Variants in NRXN1 observed in about 807,000 individuals in gnomAD.
NRXN1 encodes the protein neurexin 1.
A neutral mutation model predicts 150.9 loss-of-function variants in NRXN1; 39 were observed. The ratio of observed to expected loss-of-function variants is 0.26; its 90% CI spans 0.20 to 0.34. The LOEUF (loss-of-function observed/expected upper bound fraction) is 0.34, where lower values mean the gene tolerates loss of function less well. Ranked by LOEUF, NRXN1 falls within the 10% of genes least tolerant of loss-of-function variation. NRXN1 has a pLI of 1.00. For synonymous variants in NRXN1, 924 were observed against 757.0 expected, an observed-to-expected ratio of 1.22 and a Z score of -3.62; for missense variants, 1,815 against 1,949.9, an observed-to-expected ratio of 0.93 and a Z score of 1.30.
At chr2:50,888,793 T>C (rs897420180) in intron 5 of NRXN1, among the ~76,000 whole-genome samples, 2 of 151,682 alleles carry the variant, frequency 1.3e-5, no homozygotes, top group African/African-American at 2.4e-5. Context: ...TTAACTCTTG[T>C]TTGATTTTCA....
chr2:50,122,258 G>C (rs1703963265), intron 18 of NRXN1, among the ~76,000 whole-genome samples: 1 of 152,220 alleles, frequency 6.6e-6, no homozygotes, highest in African/African-American at 2.4e-5. Flanking sequence ...TCTGTTACCA[G>C]AGGTGATAAG....
intron 5 of NRXN1, among the ~76,000 whole-genome samples, chr2:50,798,689 C>T (rs899739040): frequency 2.6e-5 from 4 of 152,142 alleles, no homozygotes; most frequent in Non-Finnish European, 5.9e-5. Flanking sequence ...GAAATGGGTA[C>T]AGAAATATCA....
chr2:50,156,655 T>A (rs568649028), intron 18 of NRXN1, among the ~76,000 whole-genome samples: 1 of 151,966 alleles, frequency 6.6e-6, no homozygotes, highest in East Asian at 1.9e-4. Context: ...AATAAACCAA[T>A]ACAATGTAAA....
rs192107750 is a variant in NRXN1, at chr2:50,867,273, T to C, written c.832+54596A>G. ...CTGAGTCCTAGATGCTCATGGCCCC[T>C]GATTAAGACCTGTGGTTGGGAATTC... On this transcript the variant is annotated intron_variant, in intron 5 of 22. Transcript: ENST00000401669. Among the ~76,000 whole-genome samples the C allele has an allele frequency of 1.1e-4, 17 of 152,016 alleles. No individual in the cohort carries two copies. In the East Asian group the frequency reaches 3.3e-3, roughly 30 times the overall value.
chr2:50,551,011 G>GCAGGAA (rs1667391699), intron 9 of NRXN1, among the ~76,000 whole-genome samples: 2 of 119,128 alleles, frequency 1.7e-5, no homozygotes, highest in Non-Finnish European at 1.8e-5. Context: ...AAGAAGAGGA[G>GCAGGAA]GAGGAAGAGG....
chr2:50,447,803 T>C (rs1191369389), intron 17 of NRXN1, among the ~76,000 whole-genome samples: 1 of 127,150 alleles, frequency 7.9e-6, no homozygotes, highest in Non-Finnish European at 1.6e-5. Flanking sequence ...ATGTACTATC[T>C]ATCCTGCTTA....
At chr2:50,745,926 G>A (rs1232221886) in intron 5 of NRXN1, among the ~76,000 whole-genome samples, 1 of 152,036 alleles carries the variant, frequency 6.6e-6, no homozygotes, top group African/African-American at 2.4e-5. Flanking sequence ...AACCATATCA[G>A]GTGGAAATTT....
intron 2 of NRXN1, among the ~76,000 whole-genome samples, chr2:50,976,799 A>G (rs1695917429): frequency 6.6e-6 from 1 of 151,982 alleles, no homozygotes; most frequent in African/African-American, 2.4e-5. Flanking sequence ...TACCAAAAAA[A>G]TCATCGATTA....
intron 2 of NRXN1, among the ~76,000 whole-genome samples, chr2:50,956,234 G>T (rs992366355): frequency 6.6e-5 from 10 of 152,004 alleles, no homozygotes; most frequent in Non-Finnish European, 1.5e-4. Context: ...ATAAGTTATT[G>T]CTGTTAACCT....
intron 8 of NRXN1, among the ~76,000 whole-genome samples, chr2:50,569,507 G>C (rs532255616): frequency 6.6e-6 from 1 of 151,902 alleles, no homozygotes; most frequent in Non-Finnish European, 1.5e-5. Flanking sequence ...GTCAAAATTT[G>C]TTATATATAT....
chr2:50,008,855 A>G (rs1429841301), intron 21 of NRXN1, among the ~76,000 whole-genome samples: 1 of 152,114 alleles, frequency 6.6e-6, no homozygotes, highest in Non-Finnish European at 1.5e-5. Flanking sequence ...CTTACTCTAC[A>G]TTATAGTAGC....
intron 5 of NRXN1, among the ~76,000 whole-genome samples, chr2:50,753,696 T>G (rs191615132): frequency 1.3e-5 from 2 of 151,552 alleles, no homozygotes; most frequent in Non-Finnish European, 2.9e-5. Context: ...CCAGAAAAGG[T>G]TTAAGTAGGA....
chr2:50,538,193 G>C, intron 10 of NRXN1, 60 bp downstream of exon 10: 1 of 1,554,118 alleles, frequency 6.4e-7, no homozygotes, highest in Non-Finnish European at 8.7e-7. Flanking sequence ...CAGGTTTGAG[G>C]TCAACATTTA....
chr2:50,332,624 G>C (rs746087113), intron 17 of NRXN1, among the ~76,000 whole-genome samples: 1 of 152,136 alleles, frequency 6.6e-6, no homozygotes, highest in Non-Finnish European at 1.5e-5. Flanking sequence ...AAATTTGTTT[G>C]TCATTCTTGT....
Position 50,515,857 on chromosome 2 carries a change from T to C in NRXN1, c.2375-9240A>G, listed in dbSNP as rs1476351215. 3.9e-5 allele frequency among the ~76,000 whole-genome samples: 6 copies of C among 152,202 alleles called. No individual in the cohort carries two copies. In the South Asian group the frequency reaches 6.2e-4, roughly 16 times the overall value. On this transcript the variant is annotated intron_variant, in intron 12 of 22. Coordinates refer to ENST00000401669, the MANE Select transcript of NRXN1 (RefSeq NM_001330078.2). The stretch of plus-strand genomic sequence containing the variant: ...CACTGCTTGATGCCTGAGTCATAGT[T>C]GCTGGCAGCAGTACTTCCTACCTAC...
intron 5 of NRXN1, among the ~76,000 whole-genome samples, chr2:50,776,932 G>A (rs933579643): frequency 2.6e-5 from 4 of 152,262 alleles, no homozygotes; most frequent in South Asian, 4.1e-4. Context: ...TCTAATGCCA[G>A]TTCTCAAAGC....
intron 18 of NRXN1, among the ~76,000 whole-genome samples, chr2:50,186,270 C>T (rs2061065765): frequency 6.6e-6 from 1 of 152,050 alleles, no homozygotes; most frequent in Non-Finnish European, 1.5e-5. Flanking sequence ...TACTTTGCTA[C>T]ATCATTACCA....
At chr2:50,987,477 T>C (rs1420557061) in intron 2 of NRXN1, among the ~76,000 whole-genome samples, 1 of 151,926 alleles carries the variant, frequency 6.6e-6, no homozygotes, top group East Asian at 1.9e-4. Flanking sequence ...GAACAATTAA[T>C]GCTCCTAGAA....
chr2:50,436,290 C>T (rs1045456331), intron 17 of NRXN1, among the ~76,000 whole-genome samples: 3 of 152,152 alleles, frequency 2.0e-5, no homozygotes, highest in Admixed American at 6.5e-5. Context: ...CGCGTCTCTA[C>T]TAAAAATACA....
Sources: allele counts gnomAD v4.1 joint callset (sites outside exome capture counted in the v4.1 genomes callset), GRCh38; gene constraint gnomAD v4.1.1; transcripts MANE v1.5; gene names NCBI Gene and HGNC (gene_info 2026-07-23, HGNC 2026-07-21).